Variants in GRID2 observed in about 807,000 individuals in gnomAD.
GRID2 encodes the protein glutamate ionotropic receptor delta type subunit 2.
GRID2 carries 33 observed loss-of-function variants against 114.8 expected under a neutral mutation model. The ratio of observed to expected loss-of-function variants is 0.29; its 90% CI spans 0.22 to 0.38. The LOEUF is 0.38. Among genes scored for constraint, GRID2 ranks in the 10% least tolerant of loss-of-function variants. The pLI is 1.00. For synonymous variants in GRID2, 505 were observed against 449.9 expected (o/e 1.12, Z -1.55); for missense variants, 1,184 against 1,257.7 (o/e 0.94, Z 0.89).
At chr4:93,655,854 A>G (rs1034428456) in intron 14 of GRID2, among the ~76,000 whole-genome samples, 4 of 152,002 alleles carry the variant, frequency 2.6e-5, no homozygotes, top group Non-Finnish European at 5.9e-5. Flanking sequence ...CTAGATGTAC[A>G]CTCAGAAAAG....
At chr4:92,371,765 T>G (rs1729127738) in intron 1 of GRID2, among the ~76,000 whole-genome samples, 1 of 152,200 alleles carries the variant, frequency 6.6e-6, no homozygotes, top group Non-Finnish European at 1.5e-5. Flanking sequence ...CAAGCCTTAT[T>G]ATTTAATAAA....
At chr4:92,792,422 G>A (rs555973692) in intron 2 of GRID2, among the ~76,000 whole-genome samples, 1 of 146,570 alleles carries the variant, frequency 6.8e-6, no homozygotes, top group African/African-American at 2.5e-5. Flanking sequence ...CTGACCCCTG[G>A]AAACCAGGAA....
At chr4:93,667,043 C>T (rs1724006115) in intron 14 of GRID2, among the ~76,000 whole-genome samples, 1 of 151,978 alleles carries the variant, frequency 6.6e-6, no homozygotes, top group Non-Finnish European at 1.5e-5. Context: ...TGAAAACATA[C>T]TATGTGATGA....
At chr4:93,732,368 TGAAA>T (rs1240305758) in intron 14 of GRID2, among the ~76,000 whole-genome samples, 2 of 152,214 alleles carry the variant, frequency 1.3e-5, no homozygotes, top group Admixed American at 1.3e-4. Flanking sequence ...TTTTTGCATT[TGAAA>T]GAAAGCATAG....
chr4:93,725,706 T>A (rs1236140089), intron 14 of GRID2, among the ~76,000 whole-genome samples: 2 of 151,504 alleles, frequency 1.3e-5, no homozygotes, highest in African/African-American at 4.9e-5. Flanking sequence ...CTCATTGTGG[T>A]TTTGATTTGC....
At position 92,708,429 on chromosome 4, in the gene GRID2, G is replaced by C. The variant is rs188345653; in HGVS notation, c.244+118143G>C. ...ATGGTAATACTGTATTTACAGACCA[G>C]TACTGGTTCATGAGTTAAGGTTTTG... On this transcript the variant is annotated intron_variant, in intron 2 of 15. Coordinates refer to ENST00000282020, the MANE Select transcript of GRID2 (RefSeq NM_001510.4). Among the ~76,000 whole-genome samples the C allele has an allele frequency of 5.9e-5, 9 of 152,232 alleles. No homozygotes were observed. The East Asian group carries it at 1.4e-3, about 23-fold the overall frequency.
At chr4:93,475,026 C>T (rs983721551) in intron 11 of GRID2, among the ~76,000 whole-genome samples, 1 of 152,170 alleles carries the variant, frequency 6.6e-6, no homozygotes, top group Non-Finnish European at 1.5e-5. Flanking sequence ...ACCCTGATCC[C>T]CTTCCTCCCT....
chr4:92,574,197 A>G (rs1278212309), intron 1 of GRID2, among the ~76,000 whole-genome samples: 3 of 152,062 alleles, frequency 2.0e-5, no homozygotes, highest in Non-Finnish European at 2.9e-5. Flanking sequence ...TTTGTATGTG[A>G]GACGAGTCCC....
chr4:93,097,397 A>C (rs556405940), intron 3 of GRID2, among the ~76,000 whole-genome samples: 91 of 152,110 alleles, frequency 6.0e-4, no homozygotes, highest in African/African-American at 2.0e-3. Context: ...AACTAAACAC[A>C]TAATTGAATC....
At chr4:92,964,260 C>T (rs1023714963) in intron 2 of GRID2, among the ~76,000 whole-genome samples, 1 of 151,954 alleles carries the variant, frequency 6.6e-6, no homozygotes, top group African/African-American at 2.4e-5. Flanking sequence ...TTGTTTTGTC[C>T]TCTCTAGCTA....
intron 1 of GRID2, among the ~76,000 whole-genome samples, chr4:92,438,578 CTGTGTGTGTGTGTGTG>C (rs34304139): frequency 6.8e-6 from 1 of 146,914 alleles, no homozygotes; most frequent in Non-Finnish European, 1.5e-5. Flanking sequence ...AGTTTACCTT[CTGTGTGTGTGTGTGTG>C]TGTGTGTGTG....
At chr4:92,435,052 G>A (rs112926263) in intron 1 of GRID2, among the ~76,000 whole-genome samples, 3 of 152,212 alleles carry the variant, frequency 2.0e-5, no homozygotes, top group African/African-American at 7.2e-5. Context: ...CTTTATGATA[G>A]CAGTATATCT....
chr4:92,546,874 T>G (rs190195040), intron 1 of GRID2, among the ~76,000 whole-genome samples: 1 of 152,178 alleles, frequency 6.6e-6, no homozygotes, highest in Non-Finnish European at 1.5e-5. Flanking sequence ...AATGTGAAAG[T>G]CTTCACCATG....
intron 2 of GRID2, among the ~76,000 whole-genome samples, chr4:92,797,973 T>G (rs1739973016): frequency 6.6e-6 from 1 of 152,012 alleles, no homozygotes; most frequent in African/African-American, 2.4e-5. Context: ...TTAAAAATTG[T>G]TATTTTAATG....
At chr4:93,284,616 C>T (rs1449357455) in intron 8 of GRID2, among the ~76,000 whole-genome samples, 1 of 151,710 alleles carries the variant, frequency 6.6e-6, no homozygotes, top group Non-Finnish European at 1.5e-5. Flanking sequence ...CCCCACTCCA[C>T]CTTGTTTGAA....
chr4:93,206,567 C>A (rs1446131650), intron 4 of GRID2, among the ~76,000 whole-genome samples: 1 of 148,716 alleles, frequency 6.7e-6, no homozygotes, highest in Non-Finnish European at 1.5e-5. Flanking sequence ...AGCGTAGAAA[C>A]CTTCATATAG....
At chr4:92,568,390 T>C (rs1324258233) in intron 1 of GRID2, among the ~76,000 whole-genome samples, 3 of 151,954 alleles carry the variant, frequency 2.0e-5, no homozygotes, top group African/African-American at 7.2e-5. Flanking sequence ...AAAGAAACTT[T>C]TACAACAATC....
rs572365691 is a variant in GRID2 at position 93,327,528 on chromosome 4, G to GTA, written c.1246-68070_1246-68069dup. On this transcript the variant is annotated intron_variant, in intron 8 of 15. Transcript: ENST00000282020. The stretch of plus-strand genomic sequence containing the variant: ...TGTATAGTCAGTATACAAGACTATT[G>GTA]TATATATATACAATGGAATACATTC... Among the ~76,000 whole-genome samples the GTA allele has an allele frequency of 9.3e-4, 141 of 151,904 alleles. 1 individual carries two copies. The highest frequency in any genetic ancestry group is 3.3e-3 in the African/African-American group (136 of 41,368).
chr4:93,420,941 G>T (rs980560511), intron 9 of GRID2, among the ~76,000 whole-genome samples: 1 of 152,020 alleles, frequency 6.6e-6, no homozygotes, highest in Non-Finnish European at 1.5e-5. Context: ...TTTTAGTAGA[G>T]ACGGGGTTTC....
Sources: gnomAD v4.1 joint callset for allele counts (sites outside exome capture counted in the v4.1 genomes callset) on GRCh38, gnomAD v4.1.1 for gene constraint, MANE v1.5 for transcripts, NCBI Gene and HGNC (gene_info 2026-07-23, HGNC 2026-07-21) for gene names.